The following CETN3 variants were observed in gnomAD, a reference collection of about 807,000 sequenced individuals.
CETN3 encodes the protein centrin 3.
Under a neutral mutation model 20.1 loss-of-function variants are expected in CETN3, and 17 were observed. The observed-to-expected ratio is 0.85, with a 90% confidence interval of 0.58 to 1.27. The LOEUF is 1.27. CETN3 is among the 50% of genes most tolerant of loss of function. The pLI is 0.00. For synonymous variants in CETN3, 52 were observed against 59.7 expected (o/e 0.87, Z 0.59); for missense variants, 169 against 191.2 (o/e 0.88, Z 0.69).
chr5:90,400,140 T>A (rs140491146), intron 3 of CETN3, among the ~76,000 whole-genome samples: 1 of 152,122 alleles, frequency 6.6e-6, no homozygotes, highest in Non-Finnish European at 1.5e-5. Flanking sequence ...CTCTTGGTTT[T>A]CCAAAATTTA....
chr5:90,398,641 A>C (rs1187322947), intron 4 of CETN3, among the ~76,000 whole-genome samples: 1 of 152,232 alleles, frequency 6.6e-6, no homozygotes, highest in Non-Finnish European at 1.5e-5. Flanking sequence ...AAGTGAAAGA[A>C]TACACTGGAA....
rs1464450756 is a variant in CETN3, at chr5:90,399,359, T to G, written c.459A>C (p.Glu153Asp). The change falls in exon 4 of 5, where the codon GAA becomes GAC. Residue 153 changes from glutamate (E) to aspartate (D), a missense_variant and splice_region_variant. Glu to Asp is a conservative substitution (Grantham distance 45). Transcript: ENST00000283122. Reference sequence around the variant, plus strand: ...AAATACGTTTCACTTAAAACTTACTTTCTCCATCACCATCTTTGTCAAATT... The same window carrying G: ...AAATACGTTTCACTTAAAACTTACTGTCTCCATCACCATCTTTGTCAAATT... Reference protein sequence around the residue: ...IEEFDKDGDGEINQEEFIAIM... With the variant: ...IEEFDKDGDGDINQEEFIAIM... The G allele has an allele frequency of 6.2e-7, 1 of 1,613,848 alleles. No individual in the cohort carries two copies.
At chr5:90,401,895 G>A (rs570309630) in intron 3 of CETN3, among the ~76,000 whole-genome samples, 2 of 152,212 alleles carry the variant, frequency 1.3e-5, no homozygotes, top group South Asian at 4.1e-4. Flanking sequence ...TGTTGCCCAG[G>A]CTGGAGTGCA....
chr5:90,399,143 A>G lies in CETN3; in HGVS notation c.460+215T>C, dbSNP rs908882737. The stretch of plus-strand genomic sequence containing the variant: ...GAAAGGCTGAAATTTTGGTGGTTTC[A>G]CCTTCAGAGAAAAGTGAAGGACCTT... On this transcript the variant is annotated intron_variant, in intron 4 of 4. Transcript: ENST00000283122. The G allele has an allele frequency of 5.0e-6, 3 of 595,592 alleles. No homozygotes were observed. The Admixed American group carries it at 9.0e-5, about 18-fold the overall frequency. 36.9% of individuals were successfully genotyped at this position (595,592 alleles called of 1,614,324 possible). A position where few individuals can be genotyped will look rare whatever the true frequency, so the allele number is the denominator to read the frequency against.
chr5:90,404,868 G>C (rs939616656), intron 3 of CETN3, among the ~76,000 whole-genome samples: 11 of 122,268 alleles, frequency 9.0e-5, no homozygotes, highest in African/African-American at 3.2e-4. Context: ...TTGGTTTAGA[G>C]AAAAAAAAAA....
chr5:90,393,981 G>T lies in CETN3; in HGVS notation c.*83C>A. On this transcript the variant is annotated 3_prime_UTR_variant, in exon 5 of 5. Transcript: ENST00000283122. ...TCCTTTAGGATAAAAGAACTAAGTT[G>T]GTTTTTTTCACATGGCTCCAGGCAC... The T allele has an allele frequency of 2.2e-6, 2 of 904,242 alleles. No individual in the cohort carries two copies. Among genetic ancestry groups the T allele is most frequent in the South Asian group, 1.5e-5 (1 of 67,938 alleles). The allele number at this position is 904,242 out of a possible 1,614,324, so 56.0% of individuals were successfully genotyped here.
At chr5:90,409,392 A>T (rs939735242) in intron 1 of CETN3, among the ~76,000 whole-genome samples, 4 of 152,290 alleles carry the variant, frequency 2.6e-5, no homozygotes, top group Admixed American at 2.6e-4. Context: ...AACTAAGCCC[A>T]ACCTTCTGGC....
intron 3 of CETN3, among the ~76,000 whole-genome samples, chr5:90,400,046 A>G (rs1427835185): frequency 6.6e-6 from 1 of 152,232 alleles, no homozygotes; most frequent in Admixed American, 6.5e-5. Flanking sequence ...ACTGCAAGAG[A>G]CAAAAAGTAC....
At chr5:90,396,623 A>T (rs940614223) in intron 4 of CETN3, 1 of 1,273,982 alleles carries the variant, frequency 7.8e-7, no homozygotes. Context: ...AAATCATTTT[A>T]ACAGTGTAAT....
At chr5:90,396,642 G>T in intron 4 of CETN3, 1 of 973,650 alleles carries the variant, frequency 1.0e-6, no homozygotes, top group Non-Finnish European at 1.4e-6. Flanking sequence ...ATACATCCAT[G>T]ATTAAAATAT....
chr5:90,403,372 T>G (rs950412516), intron 3 of CETN3, among the ~76,000 whole-genome samples: 3 of 152,350 alleles, frequency 2.0e-5, no homozygotes, highest in Non-Finnish European at 4.4e-5. Flanking sequence ...TGACACCTGG[T>G]ACTCTCCATA....
chr5:90,406,630 T>C (rs1749451270), intron 2 of CETN3, among the ~76,000 whole-genome samples: 1 of 151,592 alleles, frequency 6.6e-6, no homozygotes, highest in African/African-American at 2.4e-5. Flanking sequence ...TTAAGTAGTA[T>C]ACAATGAGGA....
intron 4 of CETN3, among the ~76,000 whole-genome samples, chr5:90,395,162 A>G (rs1749109674): frequency 6.6e-6 from 1 of 152,180 alleles, no homozygotes. Context: ...CTTATTTACC[A>G]TAGAAGGTAT....
chr5:90,399,076 A>G (rs1749211294), intron 4 of CETN3: 1 of 549,344 alleles, frequency 1.8e-6, no homozygotes, highest in Non-Finnish European at 3.2e-6. Context: ...AGAACTTAGC[A>G]TGTAGGTTGA....
intron 2 of CETN3, among the ~76,000 whole-genome samples, chr5:90,406,041 A>T (rs1017700412): frequency 2.6e-5 from 4 of 152,192 alleles, no homozygotes; most frequent in African/African-American, 9.6e-5. Flanking sequence ...ACAAGTGTTT[A>T]CAGATTTTAC....
At chr5:90,403,385 T>C (rs1285622737) in intron 3 of CETN3, among the ~76,000 whole-genome samples, 1 of 152,246 alleles carries the variant, frequency 6.6e-6, no homozygotes, top group Non-Finnish European at 1.5e-5. Flanking sequence ...TCTCCATAGG[T>C]AGCCTTAAGA....
intron 1 of CETN3, 151 bp downstream of exon 1, chr5:90,409,494 G>C (rs543518176): frequency 1.2e-6 from 1 of 842,748 alleles, no homozygotes; most frequent in African/African-American, 1.7e-5. Context: ...CAGAGGGTGA[G>C]TGATCCGGGC....
At chr5:90,408,267 T>C (rs1207298206) in intron 1 of CETN3, among the ~76,000 whole-genome samples, 2 of 152,182 alleles carry the variant, frequency 1.3e-5, no homozygotes, top group African/African-American at 4.8e-5. Flanking sequence ...ACAATCACTA[T>C]ATATCGGTTT....
chr5:90,402,320 T>C (rs2151883119), intron 3 of CETN3, among the ~76,000 whole-genome samples: 1 of 152,334 alleles, frequency 6.6e-6, no homozygotes, highest in Middle Eastern at 3.4e-3. Flanking sequence ...TTGTGAATGA[T>C]CTCTGCTGAC....
Sources: gnomAD v4.1 joint callset for allele counts (sites outside exome capture counted in the v4.1 genomes callset) on GRCh38, gnomAD v4.1.1 for gene constraint, MANE v1.5 for transcripts, NCBI Gene and HGNC (gene_info 2026-07-23, HGNC 2026-07-21) for gene names.